The following HERC4 variants were observed in gnomAD, a reference collection of about 807,000 sequenced individuals.
The protein encoded by HERC4 is HECT and RLD domain containing E3 ubiquitin protein ligase 4.
A neutral mutation model predicts 124.3 loss-of-function variants in HERC4; 28 were observed. That is an observed-to-expected ratio of 0.23 (90% confidence interval 0.17 to 0.31). The LOEUF (loss-of-function observed/expected upper bound fraction) is 0.31. HERC4 is among the 10% of genes least tolerant of loss of function. HERC4 has a pLI of 1.00. For missense variants in HERC4, 713 were observed against 1,229.3 expected (o/e 0.58, Z 6.28); for synonymous variants, 407 against 421.5 (o/e 0.97, Z 0.42).
intron 23 of HERC4, among the ~76,000 whole-genome samples, chr10:67,929,535 T>A: frequency 7.5e-6 from 1 of 133,968 alleles, no homozygotes; most frequent in East Asian, 1.9e-4. Context: ...CTTTTTTTTC[T>A]TTTTTGAGAC....
intron 9 of HERC4, chr10:68,010,320 G>C: frequency 1.1e-6 from 1 of 939,794 alleles, no homozygotes; most frequent in South Asian, 1.4e-5. Flanking sequence ...ACCAAAATGG[G>C]AGCCTGGGGC....
intron 15 of HERC4, among the ~76,000 whole-genome samples, chr10:67,976,141 A>G (rs976918329): frequency 2.0e-5 from 3 of 152,182 alleles, no homozygotes; most frequent in Non-Finnish European, 4.4e-5. Context: ...TGTATGGCTC[A>G]CAAAGCATAA....
chr10:68,035,355 A>G (rs917070734), intron 5 of HERC4, among the ~76,000 whole-genome samples: 4 of 151,998 alleles, frequency 2.6e-5, no homozygotes, highest in African/African-American at 9.7e-5. Flanking sequence ...GCAGGGTTTC[A>G]CCATGGTGGC....
At chr10:68,059,465 AT>A (rs1433530476) in intron 3 of HERC4, among the ~76,000 whole-genome samples, 2 of 131,538 alleles carry the variant, frequency 1.5e-5, no homozygotes, top group East Asian at 2.1e-4. Context: ...TTATAATAAT[AT>A]TATATATTAT....
At chr10:68,024,267 C>T (rs2038790390) in intron 8 of HERC4, among the ~76,000 whole-genome samples, 2 of 152,070 alleles carry the variant, frequency 1.3e-5, no homozygotes, top group African/African-American at 4.8e-5. Flanking sequence ...AAAAGTCTGA[C>T]AATACTAACT....
chr10:68,025,704 T>C, intron 7 of HERC4, 28 bp from the exon 8 acceptor site: 1 of 1,582,022 alleles, frequency 6.3e-7, no homozygotes, highest in Non-Finnish European at 8.6e-7. Flanking sequence ...CCCTTATCAT[T>C]AGAAGGCATG....
In HERC4 at chr10:68,059,259, T is replaced by C. The variant is rs114840591; in HGVS notation, c.226+13624A>G. 5.6e-3 allele frequency among the ~76,000 whole-genome samples: 849 copies of C among 151,590 alleles called. 10 individuals are homozygous for C. The highest frequency in any genetic ancestry group is 0.019 in the African/African-American group (797 of 41,340). The stretch of plus-strand genomic sequence containing the variant: ...TTTGACATTTTCATTGAGATCATAC[T>C]AAATTTACAAATTAGAGAAAATTGA... On this transcript the variant is annotated intron_variant, in intron 3 of 24. Transcript: ENST00000373700.
Position 67,939,617 on chromosome 10 carries a change from T to C in HERC4, c.2542A>G (p.Ile848Val), listed in dbSNP as rs749502389. The C allele has an allele frequency of 1.9e-5, 31 of 1,609,562 alleles. No homozygotes were observed. Among genetic ancestry groups the C allele is most frequent in the Non-Finnish European group, 2.4e-5 (28 of 1,177,860 alleles). The change falls in exon 21 of 25, where the codon ATA becomes GTA. Residue 848 changes from isoleucine (I) to valine (V), a missense_variant. Ile to Val is a conservative substitution (Grantham distance 29, BLOSUM62 3). Coordinates refer to ENST00000373700, the MANE Select transcript of HERC4 (RefSeq NM_015601.4). ...QQLLDYPEDD[I>V]EETFCLNFTI... ...AAATTAAGACAAAATGTTTCCTCTA[T>C]GTCATCTTCTGGATAATCCAGTAAC...
intron 22 of HERC4, among the ~76,000 whole-genome samples, chr10:67,934,936 A>T (rs1305253621): frequency 1.4e-5 from 2 of 143,050 alleles, no homozygotes; most frequent in African/African-American, 5.2e-5. Flanking sequence ...TCTTTGACAG[A>T]TTTCATTCAT....
chr10:68,030,332 T>C (rs1336013466), intron 7 of HERC4, among the ~76,000 whole-genome samples: 11 of 151,788 alleles, frequency 7.2e-5, no homozygotes, highest in Non-Finnish European at 1.5e-4. Context: ...TCCCAGCTAC[T>C]TGGGAGGCTG....
intron 8 of HERC4, among the ~76,000 whole-genome samples, chr10:68,021,595 G>A (rs547078671): frequency 2.0e-5 from 3 of 152,150 alleles, no homozygotes; most frequent in Non-Finnish European, 2.9e-5. Context: ...GATCACCAGT[G>A]GTCAGGAGTT....
intron 15 of HERC4, among the ~76,000 whole-genome samples, chr10:67,972,529 GAAA>G (rs58031306): frequency 0.46 from 27,659 of 59,584 alleles, 4,956 homozygotes; most frequent in Middle Eastern, 0.61. Flanking sequence ...CAAAAAAGAG[GAAA>G]AAAAAAAAAA....
In HERC4 at chr10:67,992,297, T is replaced by C; in HGVS notation, c.1173A>G (p.Arg391=). The change falls in exon 11 of 25, where the codon AGA becomes AGG. Residue 391 remains arginine (R), a synonymous_variant. Transcript: ENST00000373700. ...PQNCGPPDDF[R]CPNPTKQIWT... ...AGATCTGCTTTGTCGGATTGGGACA[T>C]CTGAAGTCATCTGGTGGCCCACAGT... The C allele has an allele frequency of 2.5e-6, 4 of 1,613,746 alleles. No individual in the cohort carries two copies. The highest frequency in any genetic ancestry group is 3.4e-6 in the Non-Finnish European group (4 of 1,179,652).
chr10:68,034,308 T>A, intron 5 of HERC4, 122 bp from the exon 6 acceptor site: 2 of 689,286 alleles, frequency 2.9e-6, no homozygotes, highest in South Asian at 2.0e-5. Flanking sequence ...CTGCCTATCA[T>A]CAAAAGAATA....
intron 15 of HERC4, among the ~76,000 whole-genome samples, chr10:67,975,777 C>T (rs1023636541): frequency 3.9e-5 from 6 of 152,176 alleles, no homozygotes; most frequent in African/African-American, 1.4e-4. Flanking sequence ...ACAGTTGATA[C>T]TTTTATCTCC....
chr10:67,967,374 T>C (rs1364837324), intron 15 of HERC4, among the ~76,000 whole-genome samples: 2 of 152,144 alleles, frequency 1.3e-5, no homozygotes, highest in Non-Finnish European at 2.9e-5. Flanking sequence ...GTATGAGATA[T>C]GTAATGATTA....
intron 23 of HERC4, 145 bp from the exon 24 acceptor site, chr10:67,925,332 A>G (rs1195670153): frequency 5.7e-6 from 3 of 527,006 alleles, no homozygotes; most frequent in Non-Finnish European, 1.0e-5. Context: ...ATTTGAAGCT[A>G]TTAGTTCCAG....
intron 3 of HERC4, among the ~76,000 whole-genome samples, chr10:68,050,342 A>G (rs758410670): frequency 7.2e-5 from 11 of 152,228 alleles, no homozygotes; most frequent in Non-Finnish European, 7.3e-5. Context: ...TTGTCTTTTC[A>G]AAACAAACAA....
At chr10:68,041,300 C>T (rs1365991696) in intron 4 of HERC4, among the ~76,000 whole-genome samples, 74 of 151,504 alleles carry the variant, frequency 4.9e-4, no homozygotes, top group Admixed American at 4.9e-3. Context: ...CAACTCATTT[C>T]AATTTTGAAA....
Sources: allele counts gnomAD v4.1 joint callset (sites outside exome capture counted in the v4.1 genomes callset), GRCh38; gene constraint gnomAD v4.1.1; transcripts MANE v1.5; gene names NCBI Gene and HGNC (gene_info 2026-07-23, HGNC 2026-07-21).